Variants in DCST1 observed in about 807,000 individuals in gnomAD.
The protein encoded by DCST1 is E3 ubiquitin-protein ligase DCST1.
In DCST1, 78 loss-of-function variants were observed where a neutral mutation model predicts 89.1. The ratio of observed to expected loss-of-function variants is 0.88; its 90% CI spans 0.73 to 1.06. The LOEUF is 1.06. DCST1 is among the 50% of genes least tolerant of loss of function. DCST1 has a pLI of 0.00. For missense variants in DCST1, 900 were observed against 928.6 expected (o/e 0.97, Z 0.40); for synonymous variants, 364 against 371.9 (o/e 0.98, Z 0.24).
rs775499149 is a variant in DCST1, at chr1:155,041,804, C to T, written c.839C>T (p.Thr280Ile). 6.8e-6 allele frequency: 11 copies of T among 1,614,138 alleles called. No homozygotes were observed. Among genetic ancestry groups the T allele is most frequent in the Admixed American group, 5.0e-5 (3 of 60,012 alleles). The change falls in exon 8 of 17, where the codon ACC becomes ATC. Residue 280 changes from threonine to isoleucine, a missense_variant. Thr to Ile is a moderately conservative substitution (Grantham distance 89). Coordinates refer to ENST00000295542, the MANE Select transcript of DCST1 (RefSeq NM_152494.4). ...CMKHIWVPLLTHLLCLPMKFK... is the reference protein window; with the variant it reads ...CMKHIWVPLLIHLLCLPMKFK... ...AAGCACATCTGGGTCCCACTCCTCA[C>T]CCACCTGCTCTGCCTGCCTATGAAG... is the stretch of plus-strand genomic sequence containing the variant.
chr1:155,049,887 A>G (rs1234164125), intron 16 of DCST1, among the ~76,000 whole-genome samples: 1 of 152,244 alleles, frequency 6.6e-6, no homozygotes, highest in African/African-American at 2.4e-5. Context: ...CAGTCATTCC[A>G]AGCAGAATGT....
chr1:155,043,823 C>A (rs1397383809), intron 10 of DCST1, among the ~76,000 whole-genome samples: 1 of 152,118 alleles, frequency 6.6e-6, no homozygotes, highest in African/African-American at 2.4e-5. Flanking sequence ...TTCATATTCC[C>A]CTTGGCTCTG....
chr1:155,043,271 G>A lies in DCST1; in HGVS notation c.1015-81G>A, dbSNP rs1041101702. On this transcript the variant is annotated intron_variant, in intron 9 of 16. Transcript: ENST00000295542. ...CCCCAGGGACACAAGTGGGGTACTGGGGAACAGATGTCATGAAGAGGTGGG... is the reference window on the plus strand; with the variant it reads ...CCCCAGGGACACAAGTGGGGTACTGAGGAACAGATGTCATGAAGAGGTGGG... 1.2e-5 allele frequency: 20 copies of A among 1,602,840 alleles called. No individual in the cohort carries two copies. The Admixed American group carries it at 1.3e-4, about 11-fold the overall frequency.
intron 10 of DCST1, 83 bp downstream of exon 10, chr1:155,043,592 C>T (rs1660507602): frequency 7.0e-7 from 1 of 1,432,106 alleles, no homozygotes; most frequent in Non-Finnish European, 9.3e-7. Flanking sequence ...AGGATGGAAC[C>T]CTAGCACCTA....
At chr1:155,050,313 G>A (rs1660865518) in intron 16 of DCST1, among the ~76,000 whole-genome samples, 1 of 152,216 alleles carries the variant, frequency 6.6e-6, no homozygotes, top group South Asian at 2.1e-4. Context: ...AGTGATAGTC[G>A]ATCTGGCCTG....
chr1:155,041,975 C>A, intron 8 of DCST1, 118 bp downstream of exon 8: 1 of 1,405,976 alleles, frequency 7.1e-7, no homozygotes, highest in Non-Finnish European at 9.6e-7. Flanking sequence ...CCTGAGGCCA[C>A]AGCATCCTTA....
In DCST1 at chr1:155,043,453, G is replaced by C. The variant is rs200017501; in HGVS notation, c.1116G>C (p.Trp372Cys). ...ACCGCCAGGAGGCCCGGCTGGAGTGGGCCCTGGGGCTGCTGCACGTGCTGC... is the reference window on the plus strand; with the variant it reads ...ACCGCCAGGAGGCCCGGCTGGAGTGCGCCCTGGGGCTGCTGCACGTGCTGC... Reference protein sequence around the residue: ...YVYRQEARLEWALGLLHVLLS... With the variant: ...YVYRQEARLECALGLLHVLLS... Residue 372 changes from tryptophan (W) to cysteine (C), a missense_variant, in exon 10 of 17, where the codon TGG (tryptophan) becomes TGC (cysteine). Trp to Cys is a radical substitution (Grantham distance 215). Transcript: ENST00000295542. The C allele has an allele frequency of 6.2e-7, 1 of 1,612,436 alleles. No homozygotes were observed. Among genetic ancestry groups the C allele is most frequent in the Non-Finnish European group, 8.5e-7 (1 of 1,179,368 alleles).
At chr1:155,034,985 A>T (rs1660229350) in intron 4 of DCST1, 1 of 512,336 alleles carries the variant, frequency 2.0e-6, no homozygotes, top group Admixed American at 3.2e-5. Context: ...CCAACCCCAT[A>T]ACCCTTCATA....
At chr1:155,046,905 A>G (rs1660659946) in intron 13 of DCST1, among the ~76,000 whole-genome samples, 1 of 151,952 alleles carries the variant, frequency 6.6e-6, no homozygotes, top group Non-Finnish European at 1.5e-5. Context: ...TGTGCCAGCC[A>G]TCCTTCTGCC....
At chr1:155,037,937 C>G (rs977123719) in intron 4 of DCST1, among the ~76,000 whole-genome samples, 4 of 152,264 alleles carry the variant, frequency 2.6e-5, no homozygotes, top group Non-Finnish European at 5.9e-5. Context: ...CTTTCAGTGT[C>G]CTGTTCTACC....
Position 155,050,863 on chromosome 1 carries a change from G to C in DCST1, c.2116G>C (p.Gly706Arg). Residue 706 changes from glycine to arginine, a missense_variant, in exon 17 of 17, where the codon GGG becomes CGG. Transcript: ENST00000295542. ...CAGCAACGACGACACTGCCTACGCG[G>C]GGTGAAGAGGCGTCCTGCTCGCTCT... ...SDSNDDTAYA[G>R] is the part of the protein sequence containing the mutation. 5 of 1,608,660 alleles carry C rather than the reference G, an allele frequency of 3.1e-6. No homozygotes were observed. Among genetic ancestry groups the C allele is most frequent in the Non-Finnish European group, 4.3e-6 (5 of 1,176,074 alleles).
chr1:155,046,422 C>G lies in DCST1; in HGVS notation c.1431C>G (p.Asp477Glu), dbSNP rs770335449. 3.5e-5 allele frequency: 56 copies of G among 1,613,878 alleles called. No homozygotes were observed. The East Asian group carries it at 5.8e-4, about 17-fold the overall frequency. Reference sequence around the variant, plus strand: ...TGCTGGTGGTGCTGTGTGGCTTGGACTGGGCTCTCTACTCCATCTTCGACA... The same window carrying G: ...TGCTGGTGGTGCTGTGTGGCTTGGAGTGGGCTCTCTACTCCATCTTCGACA... The part of the protein sequence containing the change: ...LLLLVVLCGL[D>E]WALYSIFDTI... The change falls in exon 13 of 17, where the codon GAC becomes GAG. Residue 477 changes from aspartate to glutamate, a missense_variant. Coordinates refer to ENST00000295542, the MANE Select transcript of DCST1 (RefSeq NM_152494.4).
chr1:155,038,150 CA>C (rs1473565648), intron 4 of DCST1, among the ~76,000 whole-genome samples: 1 of 152,204 alleles, frequency 6.6e-6, no homozygotes, highest in Non-Finnish European at 1.5e-5. Flanking sequence ...GTGCTCCTGG[CA>C]GGGGGAACAG....
chr1:155,044,503 A>T (rs1022715075), intron 10 of DCST1, among the ~76,000 whole-genome samples: 2 of 150,934 alleles, frequency 1.3e-5, no homozygotes, highest in Admixed American at 6.6e-5. Context: ...AAAAAAAAAA[A>T]GCTAATGATC....
intron 13 of DCST1, 61 bp downstream of exon 13, chr1:155,046,547 C>A (rs1366841213): frequency 6.3e-7 from 1 of 1,590,720 alleles, no homozygotes; most frequent in East Asian, 2.3e-5. Flanking sequence ...AACTCCAATG[C>A]CTGCACAGCC....
At chr1:155,040,872 G>A (rs1294937653) in intron 6 of DCST1, among the ~76,000 whole-genome samples, 1 of 152,232 alleles carries the variant, frequency 6.6e-6, no homozygotes, top group Non-Finnish European at 1.5e-5. Context: ...ACTCTGGACA[G>A]CTGAACTAGA....
chr1:155,033,885 G>T, intron 1 of DCST1, 31 bp downstream of exon 1: 1 of 1,272,658 alleles, frequency 7.9e-7, no homozygotes, highest in Admixed American at 2.3e-5. Context: ...CCCACTTCTC[G>T]GAGCAGAAGG....
chr1:155,047,608 T>C (rs929057329), intron 14 of DCST1, among the ~76,000 whole-genome samples, 179 bp from the exon 15 acceptor site: 1 of 152,262 alleles, frequency 6.6e-6, no homozygotes, highest in Admixed American at 6.5e-5. Flanking sequence ...CTGCAAGATC[T>C]GTGCCACATT....
intron 16 of DCST1, among the ~76,000 whole-genome samples, chr1:155,050,298 G>T (rs1314605087): frequency 2.6e-5 from 4 of 152,224 alleles, no homozygotes; most frequent in Admixed American, 2.6e-4. Flanking sequence ...AGTGGGGATA[G>T]CAACAGTGAT....
Sources: allele counts gnomAD v4.1 joint callset (sites outside exome capture counted in the v4.1 genomes callset), GRCh38; gene constraint gnomAD v4.1.1; transcripts MANE v1.5; gene names NCBI Gene and HGNC (gene_info 2026-07-23, HGNC 2026-07-21).